GPR158: variants seen among roughly 807,000 people sequenced by gnomAD.
GPR158 encodes the protein G protein-coupled receptor 158.
Under a neutral mutation model 78.2 loss-of-function variants are expected in GPR158, and 30 were observed. That is an observed-to-expected ratio of 0.38 (90% CI 0.29 to 0.52). The LOEUF (loss-of-function observed/expected upper bound fraction) is 0.52, where lower values mean the gene tolerates loss of function less well. GPR158 is among the 20% of genes least tolerant of loss of function. The pLI is 0.83. For synonymous variants in GPR158, 581 were observed against 591.1 expected (o/e 0.98, Z 0.25); for missense variants, 1,463 against 1,523.5 (o/e 0.96, Z 0.66).
chr10:25,402,451 G>A (rs1834460505), intron 3 of GPR158, among the ~76,000 whole-genome samples: 3 of 152,018 alleles, frequency 2.0e-5, no homozygotes, highest in Non-Finnish European at 4.4e-5. Flanking sequence ...TGATAATATT[G>A]TATCAGTATT....
At chr10:25,460,272 G>C (rs550897733) in intron 4 of GPR158, among the ~76,000 whole-genome samples, 1 of 151,904 alleles carries the variant, frequency 6.6e-6, no homozygotes, top group East Asian at 1.9e-4. Flanking sequence ...CTCGATCTGG[G>C]CTCACTGCAA....
chr10:25,265,812 G>A (rs1854038144), intron 2 of GPR158, among the ~76,000 whole-genome samples: 1 of 152,146 alleles, frequency 6.6e-6, no homozygotes, highest in Non-Finnish European at 1.5e-5. Context: ...TTCTTCCTTG[G>A]TTTTGTTCAG....
chr10:25,526,574 A>G (rs1382596978), intron 5 of GPR158, among the ~76,000 whole-genome samples: 1 of 152,360 alleles, frequency 6.6e-6, no homozygotes, highest in South Asian at 2.1e-4. Context: ...TTAAACTATG[A>G]TAGGGCAATA....
chr10:25,528,796 T>C (rs1836385586), intron 5 of GPR158, among the ~76,000 whole-genome samples: 1 of 152,168 alleles, frequency 6.6e-6, no homozygotes, highest in African/African-American at 2.4e-5. Flanking sequence ...AAATAAATGA[T>C]GCAAACTAGC....
intron 4 of GPR158, among the ~76,000 whole-genome samples, chr10:25,439,932 C>T (rs772703232): frequency 1.3e-5 from 2 of 152,156 alleles, no homozygotes; most frequent in Non-Finnish European, 1.5e-5. Flanking sequence ...AGGAGCTGCA[C>T]GTTTTCTCTT....
At chr10:25,517,188 A>G (rs868667061) in intron 5 of GPR158, among the ~76,000 whole-genome samples, 6,619 of 146,516 alleles carry the variant, frequency 0.045, 204 homozygotes, top group South Asian at 0.11. Flanking sequence ...TTGTTGGTGT[A>G]TAAGAATGCT....
intron 5 of GPR158, among the ~76,000 whole-genome samples, chr10:25,548,593 G>A (rs190052254): frequency 2.2e-4 from 34 of 152,108 alleles, no homozygotes; most frequent in African/African-American, 8.2e-4. Context: ...GTATGGCAAC[G>A]CAATATTAAA....
chr10:25,461,302 T>C (rs1308297284), intron 4 of GPR158, among the ~76,000 whole-genome samples: 13 of 151,866 alleles, frequency 8.6e-5, no homozygotes, highest in African/African-American at 2.7e-4. Flanking sequence ...AAAGGAAAAA[T>C]TGATGGGAAT....
chr10:25,369,666 G>A (rs1024433898), intron 2 of GPR158, among the ~76,000 whole-genome samples: 2 of 151,864 alleles, frequency 1.3e-5, no homozygotes, highest in Non-Finnish European at 2.9e-5. Context: ...TTGCTGTCAG[G>A]ATGATGCTGG....
chr10:25,484,877 G>T (rs1342616614), intron 5 of GPR158, among the ~76,000 whole-genome samples: 1 of 152,084 alleles, frequency 6.6e-6, no homozygotes, highest in Non-Finnish European at 1.5e-5. Context: ...CAATTTTTCA[G>T]TTAATTAAAA....
At chr10:25,506,858 A>G (rs576006788) in intron 5 of GPR158, among the ~76,000 whole-genome samples, 1 of 152,346 alleles carries the variant, frequency 6.6e-6, no homozygotes, top group South Asian at 2.1e-4. Flanking sequence ...ACATAGAATT[A>G]TGTATCTGAT....
At chr10:25,320,667 T>C (rs1167859170) in intron 2 of GPR158, among the ~76,000 whole-genome samples, 2 of 152,258 alleles carry the variant, frequency 1.3e-5, no homozygotes, top group Non-Finnish European at 2.9e-5. Context: ...GCTATTTGTC[T>C]CTACATATGA....
intron 5 of GPR158, among the ~76,000 whole-genome samples, chr10:25,512,522 A>C (rs78054210): frequency 0.035 from 5,270 of 152,060 alleles, 316 homozygotes; most frequent in African/African-American, 0.12. Context: ...GATGCCCTTT[A>C]TTTCTTTCTC....
intron 3 of GPR158, among the ~76,000 whole-genome samples, chr10:25,397,277 G>GTA (rs1325033673): frequency 6.6e-6 from 1 of 152,134 alleles, no homozygotes; most frequent in Non-Finnish European, 1.5e-5. Context: ...CAAGTATTGA[G>GTA]TATTATTCTC....
intron 5 of GPR158, among the ~76,000 whole-genome samples, chr10:25,471,224 T>C (rs143599370): frequency 0.048 from 7,327 of 151,796 alleles, 489 homozygotes; most frequent in African/African-American, 0.15. Context: ...TTTTTTGTCC[T>C]TGTGATAGTT....
intron 5 of GPR158, among the ~76,000 whole-genome samples, chr10:25,491,718 C>T (rs190302748): frequency 6.6e-6 from 1 of 151,962 alleles, no homozygotes; most frequent in East Asian, 1.9e-4. Context: ...ACCCATAGTT[C>T]TATTTCTTAT....
intron 2 of GPR158, among the ~76,000 whole-genome samples, chr10:25,296,069 A>AAC (rs1854509200): frequency 6.6e-6 from 1 of 151,066 alleles, no homozygotes; most frequent in Non-Finnish European, 1.5e-5. Context: ...AAAAAAAAAA[A>AAC]CCTAAGCAAG....
rs1353113589 is a variant in GPR158, at chr10:25,175,726, C to G, written c.306C>G (p.Arg102=). Residue 102 remains arginine, a synonymous_variant, in exon 1 of 11, where the codon CGC becomes CGG. Transcript: ENST00000376351. This position sits in a 1 kb window ranked among gnomAD's most constrained non-coding sequence, Gnocchi z 6.4. ...HQLKRANCSG[R]YELAGLPGKW... is the part of the protein sequence containing the mutation. ...TGAAGCGAGCCAACTGCTCCGGCCG[C>G]TACGAGTTGGCGGGCCTGCCGGGGA... The G allele has an allele frequency of 1.4e-5, 23 of 1,611,736 alleles. No individual in the cohort carries two copies. Among genetic ancestry groups the G allele is most frequent in the Non-Finnish European group, 1.9e-5 (22 of 1,179,902 alleles).
At chr10:25,540,058 G>T (rs1156350669) in intron 5 of GPR158, among the ~76,000 whole-genome samples, 2 of 152,034 alleles carry the variant, frequency 1.3e-5, no homozygotes, top group African/African-American at 4.8e-5. Context: ...CTGACAAAGG[G>T]CTAATATCCA....
Sources: allele counts gnomAD v4.1 joint callset (sites outside exome capture counted in the v4.1 genomes callset), GRCh38; gene constraint gnomAD v4.1.1; non-coding constraint Gnocchi (gnomAD v3.1); transcripts MANE v1.5; gene names NCBI Gene and HGNC (gene_info 2026-07-23, HGNC 2026-07-21).